The following HBS1L variants were observed in gnomAD, a reference collection of about 807,000 sequenced individuals.
HBS1L encodes HBS1 like translational GTPase.
A neutral mutation model predicts 88.9 loss-of-function variants in HBS1L; 55 were observed. The ratio of observed to expected loss-of-function variants is 0.62; its 90% CI spans 0.50 to 0.77. The LOEUF is 0.77. Among genes scored for constraint, HBS1L ranks in the 30% least tolerant of loss-of-function variants. HBS1L has a pLI of 0.00. For missense variants in HBS1L, 741 were observed against 829.3 expected, an observed-to-expected ratio of 0.89 and a Z score of 1.31; for synonymous variants, 267 against 288.5, an observed-to-expected ratio of 0.93 and a Z score of 0.76.
chr6:134,988,895 A>G (rs542427189), intron 8 of HBS1L, among the ~76,000 whole-genome samples: 1 of 152,362 alleles, frequency 6.6e-6, no homozygotes, highest in Non-Finnish European at 1.5e-5. Flanking sequence ...AACAGCAAAT[A>G]TATGAATTAT....
chr6:134,985,821 T>C (rs1458276346), intron 11 of HBS1L, among the ~76,000 whole-genome samples: 2 of 152,140 alleles, frequency 1.3e-5, no homozygotes, highest in Non-Finnish European at 2.9e-5. Flanking sequence ...AAAATGAATG[T>C]TAATCTCATT....
At chr6:135,023,952 C>T (rs562966723) in intron 4 of HBS1L, among the ~76,000 whole-genome samples, 12 of 151,710 alleles carry the variant, frequency 7.9e-5, no homozygotes, top group African/African-American at 2.7e-4. Context: ...TTTCTCAATG[C>T]TCACTTTTTT....
In HBS1L at chr6:134,995,728, T is replaced by A. The variant is rs1233033741; in HGVS notation, c.965+1049A>T. On this transcript the variant is annotated intron_variant, in intron 7 of 17. Coordinates refer to ENST00000367837, the MANE Select transcript of HBS1L (RefSeq NM_006620.4). ...AATTATTTAGGCTTCTACTATTGCA[T>A]CATATACAATTACATTGTTTTCCAA... Among the ~76,000 whole-genome samples, 3 of 151,964 alleles carry A rather than the reference T, an allele frequency of 2.0e-5. 1 individual carries two copies. Among genetic ancestry groups the A allele is most frequent in the African/African-American group, 7.2e-5 (3 of 41,388 alleles).
At chr6:134,978,629 G>T in intron 15 of HBS1L, 50 bp downstream of exon 15, 1 of 1,022,376 alleles carries the variant, frequency 9.8e-7, no homozygotes, top group Non-Finnish European at 1.5e-6. Context: ...TTAGGATAAA[G>T]TTACTTTGAA....
chr6:135,028,392 A>G (rs1221614238), intron 4 of HBS1L, among the ~76,000 whole-genome samples: 1 of 152,188 alleles, frequency 6.6e-6, no homozygotes, highest in African/African-American at 2.4e-5. Flanking sequence ...TGTTTGGTAC[A>G]ATGCACAACA....
chr6:135,001,760 T>G (rs1775465101), intron 5 of HBS1L, among the ~76,000 whole-genome samples: 1 of 152,114 alleles, frequency 6.6e-6, no homozygotes, highest in Non-Finnish European at 1.5e-5. Flanking sequence ...CTTCACTGAC[T>G]TTGAAATCTA....
chr6:135,003,863 T>G (rs1775534954), intron 4 of HBS1L, among the ~76,000 whole-genome samples: 1 of 152,022 alleles, frequency 6.6e-6, no homozygotes, highest in Admixed American at 6.5e-5. Flanking sequence ...AGACTCCGTC[T>G]CCAAAAATAA....
At chr6:135,010,990 T>C (rs1775757545) in intron 4 of HBS1L, among the ~76,000 whole-genome samples, 1 of 152,184 alleles carries the variant, frequency 6.6e-6, no homozygotes, top group African/African-American at 2.4e-5. Context: ...TATGTGGTTA[T>C]AAATACAAAT....
intron 4 of HBS1L, among the ~76,000 whole-genome samples, chr6:135,032,391 T>G (rs933240686): frequency 6.6e-6 from 1 of 152,158 alleles, no homozygotes; most frequent in Non-Finnish European, 1.5e-5. Context: ...TATAACTGCA[T>G]AAGCTGAGCT....
At chr6:135,034,840 T>C (rs528040513) in intron 4 of HBS1L, among the ~76,000 whole-genome samples, 1 of 152,316 alleles carries the variant, frequency 6.6e-6, no homozygotes, top group East Asian at 1.9e-4. Context: ...ATTCTACTGA[T>C]TCCTCCCTTT....
At chr6:134,986,709 T>C in intron 10 of HBS1L, 27 bp downstream of exon 10, 1 of 1,343,624 alleles carries the variant, frequency 7.4e-7, no homozygotes, top group Non-Finnish European at 1.0e-6. Context: ...AGGAAAGTAA[T>C]AACAAATAAA....
At chr6:135,045,641 G>C (rs1386915045) in intron 2 of HBS1L, among the ~76,000 whole-genome samples, 4 of 152,134 alleles carry the variant, frequency 2.6e-5, no homozygotes, top group African/African-American at 9.7e-5. Flanking sequence ...TTCAAGACCA[G>C]CCTGGCCAAC....
chr6:135,050,717 G>T, intron 1 of HBS1L, 70 bp from the exon 2 acceptor site: 2 of 928,210 alleles, frequency 2.2e-6, no homozygotes, highest in Non-Finnish European at 3.3e-6. Flanking sequence ...TAGTGAGGAA[G>T]CATCTGAATC....
chr6:135,022,319 CA>C (rs57255370), intron 4 of HBS1L, among the ~76,000 whole-genome samples: 26,239 of 124,124 alleles, frequency 0.21, 2,456 homozygotes, highest in South Asian at 0.31. Flanking sequence ...TTTGTAAGGT[CA>C]AAAAAAAAAA....
At chr6:135,007,713 C>T (rs1032746847) in intron 4 of HBS1L, among the ~76,000 whole-genome samples, 7 of 152,142 alleles carry the variant, frequency 4.6e-5, no homozygotes, top group Admixed American at 6.5e-5. Flanking sequence ...ATAAGAGATA[C>T]ATATATATAA....
intron 8 of HBS1L, among the ~76,000 whole-genome samples, chr6:134,990,133 A>T (rs1407841118): frequency 6.6e-6 from 1 of 152,178 alleles, no homozygotes; most frequent in Non-Finnish European, 1.5e-5. Flanking sequence ...TGGTATTAAG[A>T]TACCTAAGGC....
intron 17 of HBS1L, 152 bp downstream of exon 17, chr6:134,966,177 T>G (rs1247382730): frequency 1.8e-6 from 1 of 550,200 alleles, no homozygotes; most frequent in African/African-American, 1.9e-5. Context: ...CCCTATCCCT[T>G]AAAGGACCAC....
chr6:135,008,248 C>T (rs530742585), intron 4 of HBS1L, among the ~76,000 whole-genome samples: 1 of 152,340 alleles, frequency 6.6e-6, no homozygotes, highest in South Asian at 2.1e-4. Context: ...CCGTTAGGTA[C>T]AGTTTTCATT....
chr6:135,038,074 G>A lies in HBS1L; in HGVS notation c.430+1499C>T, dbSNP rs1015875707. 1.2e-5 allele frequency: 16 copies of A among 1,382,304 alleles called. No homozygotes were observed. The Admixed American group carries it at 1.9e-4, about 16-fold the overall frequency. 85.6% of individuals were successfully genotyped at this position (1,382,304 alleles called of 1,614,324 possible). On this transcript the variant is annotated intron_variant, in intron 4 of 17. Transcript: ENST00000367837. ...TTTTCAGATGAATAGGTTGATATACGCAGAAGACAGTCACAGCAACCAAAA... is the reference window on the plus strand; with the variant it reads ...TTTTCAGATGAATAGGTTGATATACACAGAAGACAGTCACAGCAACCAAAA...
Sources: allele counts gnomAD v4.1 joint callset (sites outside exome capture counted in the v4.1 genomes callset), GRCh38; gene constraint gnomAD v4.1.1; transcripts MANE v1.5; gene names NCBI Gene and HGNC (gene_info 2026-07-23, HGNC 2026-07-21).